IFT52: variants seen among roughly 807,000 people sequenced by gnomAD.
The protein encoded by IFT52 is intraflagellar transport protein 52 homolog.
Under a neutral mutation model 54.4 loss-of-function variants are expected in IFT52, and 44 were observed. The observed-to-expected ratio is 0.81, with a 90% confidence interval of 0.63 to 1.04. The LOEUF is 1.04. Among genes scored for constraint, IFT52 ranks in the 50% least tolerant of loss-of-function variants. IFT52 has a pLI of 0.00. For missense variants in IFT52, 452 were observed against 523.6 expected (o/e 0.86, Z 1.33); for synonymous variants, 181 against 185.3 (o/e 0.98, Z 0.19).
rs138149383 is a variant in IFT52 at position 43,625,564 on chromosome 20, A to G, written c.923+1519A>G. ...TTGAAAAGGTTAGATATTTGAGGAA[A>G]AACCTGAAGGAGGTAAAGAATTTAG... On this transcript the variant is annotated intron_variant, in intron 10 of 13. Transcript: ENST00000373030. Among the ~76,000 whole-genome samples, 42 of 152,224 alleles carry G rather than the reference A, an allele frequency of 2.8e-4. 1 individual carries two copies. The East Asian group carries it at 7.1e-3, about 26-fold the overall frequency.
At chr20:43,600,241 G>T (rs908461669) in intron 3 of IFT52, among the ~76,000 whole-genome samples, 6 of 152,088 alleles carry the variant, frequency 3.9e-5, no homozygotes, top group Non-Finnish European at 5.9e-5. Context: ...TTCAAATCAT[G>T]AGCCGTGTTG....
intron 1 of IFT52, among the ~76,000 whole-genome samples, chr20:43,591,863 C>A (rs1981549774): frequency 6.6e-6 from 1 of 152,030 alleles, no homozygotes; most frequent in Non-Finnish European, 1.5e-5. Flanking sequence ...CAAAAGGAAA[C>A]CCTGTCTCTG....
In IFT52 at chr20:43,647,041, CA is replaced by C. The variant is rs146128577; in HGVS notation, c.*61del. On this transcript the variant is annotated 3_prime_UTR_variant, in exon 14 of 14. Transcript: ENST00000373030. ...TGATTCTCTCTTTGTAAACTATTTT[CA>C]AATTGTTTTTCAACTCCTTATCAAA... 1.4e-3 allele frequency: 2,008 copies of C among 1,475,602 alleles called. 24 individuals are homozygous for C. In the African/African-American group the frequency reaches 0.024, roughly 18 times the overall value. 91.4% of individuals were successfully genotyped at this position (1,475,602 alleles called of 1,614,324 possible).
intron 7 of IFT52, among the ~76,000 whole-genome samples, chr20:43,617,215 T>C (rs1983925135): frequency 6.6e-6 from 1 of 152,202 alleles, no homozygotes; most frequent in African/African-American, 2.4e-5. Context: ...GCATAGAATT[T>C]TTTATGTTTC....
chr20:43,603,577 T>C (rs1422906582), intron 3 of IFT52, among the ~76,000 whole-genome samples, 183 bp from the exon 4 acceptor site: 1 of 152,240 alleles, frequency 6.6e-6, no homozygotes, highest in African/African-American at 2.4e-5. Context: ...ATTTTGGAGC[T>C]TTATGCTCAA....
chr20:43,602,263 C>T (rs1982524696), intron 3 of IFT52, among the ~76,000 whole-genome samples: 2 of 151,850 alleles, frequency 1.3e-5, no homozygotes, highest in South Asian at 4.1e-4. Flanking sequence ...CTCCCAGGTT[C>T]AACTGATTCT....
At position 43,642,589 on chromosome 20, in the gene IFT52, T is replaced by G. The variant is rs1450131148; in HGVS notation, c.1231T>G (p.Phe411Val). 1.2e-6 allele frequency: 2 copies of G among 1,614,082 alleles called. No homozygotes were observed. The highest frequency in any genetic ancestry group is 1.7e-6 in the Non-Finnish European group (2 of 1,180,038). Residue 411 changes from phenylalanine (F) to valine (V), a missense_variant, in exon 13 of 14, where the codon TTC (phenylalanine) becomes GTC (valine). By Grantham distance (50) the Phe-to-Val change is conservative. Coordinates refer to ENST00000373030, the MANE Select transcript of IFT52 (RefSeq NM_016004.5). The stretch of plus-strand genomic sequence containing the variant: ...TGCCAAACATATCCTTGAGCACGTC[T>G]TCTTCCAAGTGGTGGAGTTCAAGAA... ...QDAKHILEHV[F>V]FQVVEFKKLN... is the part of the protein sequence containing the mutation.
At chr20:43,595,410 A>G (rs1311866841) in intron 2 of IFT52, among the ~76,000 whole-genome samples, 1 of 150,828 alleles carries the variant, frequency 6.6e-6, no homozygotes, top group African/African-American at 2.4e-5. Context: ...TCAGCTGGGC[A>G]TGATCGTGCG....
intron 9 of IFT52, among the ~76,000 whole-genome samples, chr20:43,622,258 A>G (rs111839115): frequency 4.9e-4 from 74 of 152,280 alleles, no homozygotes; most frequent in Non-Finnish European, 9.7e-4. Context: ...TTATGTGGAA[A>G]CATTAAGCAT....
At chr20:43,602,613 A>G (rs1308928695) in intron 3 of IFT52, among the ~76,000 whole-genome samples, 2 of 151,942 alleles carry the variant, frequency 1.3e-5, no homozygotes, top group African/African-American at 2.4e-5. Context: ...GGTTCAAGCA[A>G]TTCCCCTCCC....
intron 2 of IFT52, 119 bp from the exon 3 acceptor site, chr20:43,596,316 A>G (rs569999809): frequency 3.2e-6 from 2 of 628,400 alleles, no homozygotes; most frequent in South Asian, 4.3e-5. Context: ...AGTTACCTCT[A>G]AATCCCTTCA....
chr20:43,622,031 T>C (rs979214174), intron 9 of IFT52, among the ~76,000 whole-genome samples: 3 of 152,228 alleles, frequency 2.0e-5, no homozygotes, highest in African/African-American at 7.2e-5. Context: ...AATCCAGGTC[T>C]CCTAATTCAA....
intron 9 of IFT52, among the ~76,000 whole-genome samples, chr20:43,621,457 A>AT (rs1984297359): frequency 6.6e-6 from 1 of 152,024 alleles, no homozygotes; most frequent in Non-Finnish European, 1.5e-5. Flanking sequence ...TATTAAAAAA[A>AT]TTTTTTATTG....
intron 7 of IFT52, among the ~76,000 whole-genome samples, chr20:43,615,461 A>T (rs963093918): frequency 1.2e-4 from 18 of 152,096 alleles, no homozygotes; most frequent in Non-Finnish European, 2.2e-4. Flanking sequence ...AGCTCTGAAC[A>T]ATCCTATTTT....
intron 6 of IFT52, among the ~76,000 whole-genome samples, chr20:43,613,517 C>T (rs1324084243): frequency 6.6e-6 from 1 of 152,176 alleles, no homozygotes; most frequent in African/African-American, 2.4e-5. Flanking sequence ...CACCGTGGCA[C>T]ACGCCTGTAA....
intron 6 of IFT52, among the ~76,000 whole-genome samples, chr20:43,607,265 ACCCCCCCACCTCCCTCCCGGACGGGGCG>A (rs1982992252): frequency 8.1e-6 from 1 of 123,028 alleles, no homozygotes; most frequent in African/African-American, 3.6e-5. Flanking sequence ...CGGGGGGCTG[ACCCCCCCACCTCCCTCCCGGACGGGGCG>A]GCTGGCCTGG....
chr20:43,614,809 CTTTTTTT>C (rs1037730877), intron 7 of IFT52, among the ~76,000 whole-genome samples: 3 of 134,988 alleles, frequency 2.2e-5, no homozygotes, highest in African/African-American at 8.2e-5. Flanking sequence ...CTTTCTTTTT[CTTTTTTT>C]TTTTTTTTTT....
chr20:43,618,870 T>C, intron 7 of IFT52, 70 bp from the exon 8 acceptor site: 1 of 939,658 alleles, frequency 1.1e-6, no homozygotes. Context: ...TTCTAATAAG[T>C]GTCTGGGTAC....
At chr20:43,642,987 T>C (rs1305570574) in intron 13 of IFT52, among the ~76,000 whole-genome samples, 1 of 151,274 alleles carries the variant, frequency 6.6e-6, no homozygotes, top group African/African-American at 2.4e-5. Context: ...ACCAACATGG[T>C]GAAACCCCCT....
Sources: allele counts gnomAD v4.1 joint callset (sites outside exome capture counted in the v4.1 genomes callset), GRCh38; gene constraint gnomAD v4.1.1; transcripts MANE v1.5; gene names NCBI Gene and HGNC (gene_info 2026-07-23, HGNC 2026-07-21).